The following ENTPD1 variants were observed in gnomAD, a reference collection of about 807,000 sequenced individuals.
ENTPD1 encodes the protein ATP diphosphohydrolase.
In ENTPD1, 33 loss-of-function variants were observed where a neutral mutation model predicts 57.0. The ratio of observed to expected loss-of-function variants is 0.58; its 90% CI spans 0.44 to 0.77. The LOEUF (loss-of-function observed/expected upper bound fraction) is 0.77. ENTPD1 is among the 30% of genes least tolerant of loss of function. The pLI, the probability that ENTPD1 is intolerant of heterozygous loss-of-function variation, is 0.00. For synonymous variants in ENTPD1, 202 were observed against 218.8 expected (o/e 0.92, Z 0.68); for missense variants, 501 against 603.4 (o/e 0.83, Z 1.78).
chr10:95,734,041 G>C (rs868726768), intron 1 of ENTPD1, among the ~76,000 whole-genome samples: 33 of 152,108 alleles, frequency 2.2e-4, no homozygotes, highest in African/African-American at 7.2e-4. Context: ...ACAGCTGCAT[G>C]GTGTCTCAGA....
rs1224267998 is a variant in ENTPD1, at chr10:95,767,999, C to CCTTTAA, written c.16+11748_16+11749insAACTTT. Among the ~76,000 whole-genome samples the CCTTTAA allele has an allele frequency of 6.6e-5, 10 of 152,286 alleles. No homozygotes were observed. The East Asian group carries it at 1.9e-3, about 29-fold the overall frequency. On this transcript the variant is annotated intron_variant, in intron 1 of 9. Transcript: ENST00000371205. The stretch of plus-strand genomic sequence containing the variant: ...TTCTCTTGCTCTTATGCTCTCTTGC[C>CCTTTAA]CTTTGCTTTCTGCCATGGGATGACA...
upstream of ENTPD1, among the ~76,000 whole-genome samples, chr10:95,750,928 C>CAGG (rs1335836433): frequency 7.3e-5 from 11 of 150,770 alleles, no homozygotes; most frequent in East Asian, 2.2e-3. Context: ...GAGGCTGAGG[C>CAGG]AGGAGAATTG....
At chr10:95,762,437 G>A (rs2098069399) in intron 1 of ENTPD1, among the ~76,000 whole-genome samples, 1 of 148,868 alleles carries the variant, frequency 6.7e-6, no homozygotes, top group African/African-American at 2.5e-5. Context: ...CTCTCATTTG[G>A]CATTCACTTG....
intron 2 of ENTPD1, among the ~76,000 whole-genome samples, chr10:95,827,849 T>C (rs1006116432): frequency 1.3e-5 from 2 of 152,246 alleles, no homozygotes; most frequent in African/African-American, 2.4e-5. Flanking sequence ...TTTTAACTTA[T>C]GGCATATCTC....
At chr10:95,768,873 T>C (rs1249868279) in intron 1 of ENTPD1, among the ~76,000 whole-genome samples, 2 of 152,200 alleles carry the variant, frequency 1.3e-5, no homozygotes, top group African/African-American at 2.4e-5. Flanking sequence ...TTTGTATGTA[T>C]GTATGGATGA....
intron 1 of ENTPD1, among the ~76,000 whole-genome samples, chr10:95,746,234 C>A (rs2098005907): frequency 6.6e-6 from 1 of 152,148 alleles, no homozygotes; most frequent in Non-Finnish European, 1.5e-5. Flanking sequence ...AGAGAACTCA[C>A]CCTTACTGAG....
chr10:95,757,208 C>A (rs2139941420), intron 1 of ENTPD1, among the ~76,000 whole-genome samples: 1 of 152,354 alleles, frequency 6.6e-6, no homozygotes, highest in Middle Eastern at 3.4e-3. Context: ...ATAATGATAG[C>A]TGTTAATGTT....
At chr10:95,842,266 A>T in intron 3 of ENTPD1, 78 bp from the exon 4 acceptor site, 2 of 1,324,772 alleles carry the variant, frequency 1.5e-6, no homozygotes, top group South Asian at 2.5e-5. Flanking sequence ...TCAAAACACC[A>T]TATTTTGATC....
chr10:95,829,717 G>C (rs1016532872), intron 2 of ENTPD1, among the ~76,000 whole-genome samples: 5 of 152,218 alleles, frequency 3.3e-5, no homozygotes, highest in African/African-American at 1.2e-4. Flanking sequence ...GCTTCACAGA[G>C]AAGGTAGCCT....
At chr10:95,854,943 T>C (rs1314758931) in intron 7 of ENTPD1, among the ~76,000 whole-genome samples, 1 of 152,202 alleles carries the variant, frequency 6.6e-6, no homozygotes, top group Admixed American at 6.5e-5. Flanking sequence ...TAGATGTCTA[T>C]CTATTAGGTC....
At chr10:95,705,277 A>ATTGTGTG in the ENTPD1 span, among the ~76,000 whole-genome samples, 1 of 150,176 alleles carries the variant, frequency 6.7e-6, no homozygotes, top group East Asian at 2.0e-4. Flanking sequence ...CCAGTAGAAA[A>ATTGTGTG]TGTGTGTGTG....
At chr10:95,854,808 T>C (rs1443219260) in intron 7 of ENTPD1, among the ~76,000 whole-genome samples, 2 of 152,254 alleles carry the variant, frequency 1.3e-5, no homozygotes, top group Non-Finnish European at 2.9e-5. Context: ...CAGTTTGTTA[T>C]AATTTCTGTT....
chr10:95,718,969 C>T (rs1315478999), intron 1 of ENTPD1, among the ~76,000 whole-genome samples: 2 of 152,118 alleles, frequency 1.3e-5, no homozygotes, highest in Non-Finnish European at 2.9e-5. Flanking sequence ...CAGCACTGGC[C>T]CTTTAAGTAA....
chr10:95,854,606 G>A (rs1027394829), intron 7 of ENTPD1, among the ~76,000 whole-genome samples: 4 of 152,126 alleles, frequency 2.6e-5, no homozygotes, highest in Non-Finnish European at 5.9e-5. Context: ...TGCTTTGAAT[G>A]TGTCCCAGAG....
chr10:95,733,556 A>C (rs1047917669), intron 1 of ENTPD1, among the ~76,000 whole-genome samples: 4 of 152,212 alleles, frequency 2.6e-5, no homozygotes, highest in Non-Finnish European at 5.9e-5. Flanking sequence ...AGATTGCAGT[A>C]AAGACAGGCA....
intron 1 of ENTPD1, among the ~76,000 whole-genome samples, chr10:95,788,807 C>T (rs1291034985): frequency 6.6e-6 from 1 of 152,064 alleles, no homozygotes; most frequent in Non-Finnish European, 1.5e-5. Flanking sequence ...ATATTATTTT[C>T]TCTATTTTCT....
At chr10:95,856,653 T>C (rs1301950792) in intron 7 of ENTPD1, among the ~76,000 whole-genome samples, 1 of 141,010 alleles carries the variant, frequency 7.1e-6, no homozygotes, top group Non-Finnish European at 1.5e-5. Flanking sequence ...TATGTATGCA[T>C]ATATATATAT....
At chr10:95,801,373 G>C (rs1039541695) in intron 1 of ENTPD1, among the ~76,000 whole-genome samples, 4 of 151,910 alleles carry the variant, frequency 2.6e-5, no homozygotes, top group African/African-American at 9.7e-5. Flanking sequence ...GTTAACTTTT[G>C]TATATGGTAT....
intron 1 of ENTPD1, among the ~76,000 whole-genome samples, chr10:95,766,283 G>C (rs1370344256): frequency 6.6e-6 from 1 of 152,082 alleles, no homozygotes; most frequent in South Asian, 2.1e-4. Context: ...TATAACCACA[G>C]TACAGTAGTC....
Sources: gnomAD v4.1 joint callset for allele counts (sites outside exome capture counted in the v4.1 genomes callset) on GRCh38, gnomAD v4.1.1 for gene constraint, MANE v1.5 for transcripts, NCBI Gene and HGNC (gene_info 2026-07-23, HGNC 2026-07-21) for gene names.